Variants in NRF1 observed in about 807,000 individuals in gnomAD.
The protein encoded by NRF1 is nuclear respiratory factor 1.
In NRF1, 5 loss-of-function variants were observed where a neutral mutation model predicts 58.5. The observed-to-expected ratio is 0.09, with a 90% CI of 0.04 to 0.18. The LOEUF (loss-of-function observed/expected upper bound fraction) is 0.18. NRF1 is among the 10% of genes least tolerant of loss of function. The pLI is 1.00. For missense variants in NRF1, 288 were observed against 657.7 expected (o/e 0.44, Z 6.15); for synonymous variants, 224 against 246.7 (o/e 0.91, Z 0.86).
intron 1 of NRF1, among the ~76,000 whole-genome samples, chr7:129,636,214 T>TTTAA (rs34305956): frequency 0.13 from 19,803 of 152,136 alleles, 1,626 homozygotes; most frequent in Admixed American, 0.23. Flanking sequence ...ATCATCCTGT[T>TTTAA]TTTGTTCAAT....
intron 8 of NRF1, among the ~76,000 whole-genome samples, chr7:129,714,845 T>C (rs765433899): frequency 1.3e-5 from 2 of 152,152 alleles, no homozygotes; most frequent in Non-Finnish European, 2.9e-5. Context: ...CTCCTAGAGC[T>C]TGGAGCACTT....
chr7:129,622,909 T>G (rs912436373), intron 1 of NRF1, among the ~76,000 whole-genome samples: 2 of 152,322 alleles, frequency 1.3e-5, no homozygotes, highest in African/African-American at 4.8e-5. Flanking sequence ...ATATACACAA[T>G]ACATATTCAC....
chr7:129,751,572 T>C (rs890496153), intron 10 of NRF1, among the ~76,000 whole-genome samples: 6 of 152,246 alleles, frequency 3.9e-5, no homozygotes, highest in African/African-American at 1.4e-4. Context: ...ACAATTCTTT[T>C]AGTTTCTATT....
intron 1 of NRF1, among the ~76,000 whole-genome samples, chr7:129,643,533 G>A (rs886982992): frequency 6.6e-6 from 1 of 152,206 alleles, no homozygotes; most frequent in Non-Finnish European, 1.5e-5. Context: ...AAAGAGCCAT[G>A]CCAGCTGCAT....
chr7:129,693,205 G>A (rs553411151), intron 5 of NRF1, among the ~76,000 whole-genome samples: 22 of 152,334 alleles, frequency 1.4e-4, no homozygotes, highest in Non-Finnish European at 2.1e-4. Context: ...GAACAGGATC[G>A]CAAGTCCCCT....
At position 129,743,246 on chromosome 7, in the gene NRF1, G is replaced by A. The variant is rs929959586; in HGVS notation, c.1349-11772G>A. 4.6e-5 allele frequency among the ~76,000 whole-genome samples: 7 copies of A among 151,114 alleles called. No homozygotes were observed. The East Asian group carries it at 9.7e-4, about 21-fold the overall frequency. ...ATTTTAGGAATGTCCACTTTCAGCT[G>A]ACCTTCTCCTTGGCCTTCTCCTAAT... On this transcript the variant is annotated intron_variant, in intron 10 of 10. Coordinates refer to ENST00000393232, the MANE Select transcript of NRF1 (RefSeq NM_005011.5).
intron 10 of NRF1, among the ~76,000 whole-genome samples, chr7:129,750,380 GC>G (rs1804085555): frequency 6.6e-6 from 1 of 152,206 alleles, no homozygotes; most frequent in South Asian, 2.1e-4. Flanking sequence ...CAGGCCTCCA[GC>G]CCCTCCCCCT....
chr7:129,661,243 A>G (rs747477906), intron 2 of NRF1, among the ~76,000 whole-genome samples: 10 of 151,302 alleles, frequency 6.6e-5, no homozygotes, highest in Non-Finnish European at 1.5e-4. Flanking sequence ...GGGAGGGGCT[A>G]CTGTGAAGAC....
intron 1 of NRF1, among the ~76,000 whole-genome samples, chr7:129,615,504 C>T (rs1366498526): frequency 6.6e-6 from 1 of 152,146 alleles, no homozygotes; most frequent in East Asian, 1.9e-4. Context: ...TTGTAAAAAA[C>T]ATTTCAGGAA....
At chr7:129,625,971 C>T (rs1178670304) in intron 1 of NRF1, among the ~76,000 whole-genome samples, 1 of 152,092 alleles carries the variant, frequency 6.6e-6, no homozygotes, top group Non-Finnish European at 1.5e-5. Flanking sequence ...CATGAGCCAC[C>T]ACACCCAGCC....
chr7:129,629,679 C>T (rs1015568418), intron 1 of NRF1, among the ~76,000 whole-genome samples: 5 of 152,078 alleles, frequency 3.3e-5, no homozygotes, highest in Non-Finnish European at 5.9e-5. Context: ...CCATTTGTTA[C>T]GCAGAATAGT....
chr7:129,688,649 G>A (rs1363874892), intron 4 of NRF1, among the ~76,000 whole-genome samples: 2 of 152,092 alleles, frequency 1.3e-5, no homozygotes, highest in Admixed American at 6.6e-5. Context: ...AATCATGGCA[G>A]AAGGGGAAGC....
chr7:129,730,483 T>G (rs1007837966), intron 10 of NRF1, among the ~76,000 whole-genome samples: 5 of 152,118 alleles, frequency 3.3e-5, no homozygotes, highest in Admixed American at 6.5e-5. Flanking sequence ...AAATCAAAAT[T>G]GGAATAGCAG....
chr7:129,628,500 T>C (rs1473594635), intron 1 of NRF1, among the ~76,000 whole-genome samples: 1 of 152,214 alleles, frequency 6.6e-6, no homozygotes, highest in East Asian at 1.9e-4. Flanking sequence ...TACTATTTTA[T>C]GAAAAACAAC....
chr7:129,625,626 G>A (rs1800895599), intron 1 of NRF1, among the ~76,000 whole-genome samples: 1 of 150,804 alleles, frequency 6.6e-6, no homozygotes, highest in Non-Finnish European at 1.5e-5. Flanking sequence ...TTAGCCTCCT[G>A]AGTAGCTGGG....
chr7:129,703,040 T>A (rs1802869300), intron 5 of NRF1, among the ~76,000 whole-genome samples: 1 of 152,238 alleles, frequency 6.6e-6, no homozygotes, highest in African/African-American at 2.4e-5. Context: ...AATTTTTTTT[T>A]AATTGGATAA....
chr7:129,716,696 C>T (rs1303156881), intron 8 of NRF1, among the ~76,000 whole-genome samples: 3 of 151,958 alleles, frequency 2.0e-5, no homozygotes, highest in African/African-American at 4.8e-5. Context: ...CGTGGTGAAA[C>T]CCCATCTTTA....
At chr7:129,612,003 A>T in intron 1 of NRF1, among the ~76,000 whole-genome samples, 179 bp downstream of exon 1, 1 of 148,480 alleles carries the variant, frequency 6.7e-6, no homozygotes, top group East Asian at 2.0e-4. Context: ...CGGCCCAGCC[A>T]AACCGCCACC....
intron 3 of NRF1, among the ~76,000 whole-genome samples, chr7:129,672,339 A>G (rs976408620): frequency 6.6e-6 from 1 of 151,390 alleles, no homozygotes; most frequent in African/African-American, 2.4e-5. Flanking sequence ...CACCCAGCCT[A>G]GGAGATCTTA....
Sources: allele counts gnomAD v4.1 joint callset (sites outside exome capture counted in the v4.1 genomes callset), GRCh38; gene constraint gnomAD v4.1.1; transcripts MANE v1.5; gene names NCBI Gene and HGNC (gene_info 2026-07-23, HGNC 2026-07-21).